The following SNTG2 variants were observed in gnomAD, a reference collection of about 807,000 sequenced individuals.
SNTG2 encodes gamma-2-syntrophin.
Under a neutral mutation model 70.9 loss-of-function variants are expected in SNTG2, and 74 were observed. The observed-to-expected ratio is 1.04, with a 90% CI of 0.86 to 1.27. The LOEUF (loss-of-function observed/expected upper bound fraction) is 1.27, where lower values mean the gene tolerates loss of function less well. SNTG2 is among the 50% of genes most tolerant of loss of function. The probability of loss-of-function intolerance (pLI) is 0.00; values close to 1 mark genes in which losing one functional copy is unlikely to be tolerated. For missense variants in SNTG2, 717 were observed against 690.7 expected, an observed-to-expected ratio of 1.04 and a Z score of -0.43; for synonymous variants, 278 against 273.8, an observed-to-expected ratio of 1.02 and a Z score of -0.15.
chr2:1,098,380 G>C lies in SNTG2; in HGVS notation c.295G>C (p.Val99Leu). ...KGGSEHNVPV[V>L]ISKIFEDQAA... Reference sequence around the variant, plus strand: ...AGGTTCTGAGCACAACGTCCCTGTCGTCATATCAAAAATATTCGAAGACCA... The same window carrying C: ...AGGTTCTGAGCACAACGTCCCTGTCCTCATATCAAAAATATTCGAAGACCA... The change falls in exon 4 of 17, where the codon GTC (valine) becomes CTC (leucine). Residue 99 changes from valine (V) to leucine (L), a missense_variant. Physicochemically the swap from Val to Leu is conservative, Grantham distance 32. Transcript: ENST00000308624. 1 of 1,613,874 alleles carries C rather than the reference G, an allele frequency of 6.2e-7. No individual in the cohort carries two copies. Among genetic ancestry groups the C allele is most frequent in the South Asian group, 1.1e-5 (1 of 91,072 alleles).
chr2:1,281,359 A>G (rs1333869793), intron 14 of SNTG2, among the ~76,000 whole-genome samples: 3 of 106,650 alleles, frequency 2.8e-5, no homozygotes, highest in Non-Finnish European at 5.3e-5. Flanking sequence ...GTGCTTGTGT[A>G]TTTGGTGTTT....
intron 1 of SNTG2, among the ~76,000 whole-genome samples, chr2:981,690 C>T (rs904838869): frequency 6.6e-6 from 1 of 152,152 alleles, no homozygotes; most frequent in Non-Finnish European, 1.5e-5. Flanking sequence ...TGTGAGTGCA[C>T]ACATATACAC....
At chr2:1,001,336 TTGC>T (rs1181889874) in intron 1 of SNTG2, among the ~76,000 whole-genome samples, 1 of 152,074 alleles carries the variant, frequency 6.6e-6, no homozygotes, top group East Asian at 1.9e-4. Context: ...TTATCTCTGT[TTGC>T]TGATGATGTG....
intron 8 of SNTG2, among the ~76,000 whole-genome samples, chr2:1,186,781 A>G (rs1572678859): frequency 6.6e-6 from 1 of 152,222 alleles, no homozygotes; most frequent in East Asian, 1.9e-4. Context: ...ACAATTCAAC[A>G]TGAGATTTTA....
intron 9 of SNTG2, among the ~76,000 whole-genome samples, chr2:1,214,498 T>C (rs1019283478): frequency 2.0e-5 from 3 of 152,172 alleles, no homozygotes; most frequent in African/African-American, 7.2e-5. Flanking sequence ...TTTATATTTT[T>C]ATACTACTGT....
Position 1,236,554 on chromosome 2 carries a change from G to A in SNTG2, c.720-1334G>A, listed in dbSNP as rs1039842269. Among the ~76,000 whole-genome samples the A allele has an allele frequency of 6.6e-5, 10 of 152,184 alleles. No individual in the cohort carries two copies. In the East Asian group the frequency reaches 1.5e-3, roughly 23 times the overall value. On this transcript the variant is annotated intron_variant, in intron 9 of 16. Transcript: ENST00000308624. ...CCAAGTCAAGAGTACCTTGTTCATCGCCATCAGGCAGAATATCAGCCACAA... is the reference window on the plus strand; with the variant it reads ...CCAAGTCAAGAGTACCTTGTTCATCACCATCAGGCAGAATATCAGCCACAA...
chr2:1,273,540 A>T (rs1463723218), intron 14 of SNTG2, among the ~76,000 whole-genome samples: 1 of 152,114 alleles, frequency 6.6e-6, no homozygotes, highest in African/African-American at 2.4e-5. Flanking sequence ...AAGGCAATTC[A>T]GTGGAGAAAG....
At chr2:1,086,145 A>T (rs1186911284) in intron 2 of SNTG2, among the ~76,000 whole-genome samples, 2 of 152,184 alleles carry the variant, frequency 1.3e-5, no homozygotes, top group Non-Finnish European at 2.9e-5. Context: ...CACACAAGAA[A>T]CAGACAACCA....
intron 6 of SNTG2, among the ~76,000 whole-genome samples, chr2:1,148,269 T>C (rs1290010884): frequency 1.3e-5 from 2 of 152,220 alleles, no homozygotes; most frequent in Admixed American, 1.3e-4. Flanking sequence ...TCCCACTCCT[T>C]ATTTCCCACA....
chr2:1,259,385 T>A lies in SNTG2; in HGVS notation c.1021T>A (p.Trp341Arg). 1 of 1,613,996 alleles carries A rather than the reference T, an allele frequency of 6.2e-7. No individual in the cohort carries two copies. Among genetic ancestry groups the A allele is most frequent in the African/African-American group, 1.3e-5 (1 of 75,052 alleles). Residue 341 changes from tryptophan (W) to arginine (R), a missense_variant, in exon 13 of 17, where the codon TGG becomes AGG. Transcript: ENST00000308624. ...FSTPPVSTFDWVRAERTYHLC... is the reference protein window; with the variant it reads ...FSTPPVSTFDRVRAERTYHLC... ...TTTCTTGCAGGTGAGCACATTCGATTGGGTGCGAGCAGAAAGGACCTATCA... is the reference window on the plus strand; with the variant it reads ...TTTCTTGCAGGTGAGCACATTCGATAGGGTGCGAGCAGAAAGGACCTATCA...
intron 9 of SNTG2, among the ~76,000 whole-genome samples, chr2:1,213,907 T>G (rs2148004989): frequency 7.0e-6 from 1 of 142,072 alleles, no homozygotes; most frequent in South Asian, 2.2e-4. Flanking sequence ...TTTAACTCCT[T>G]AATCCATTTT....
At position 1,055,330 on chromosome 2, in the gene SNTG2, G is replaced by A. The variant is rs575538495; in HGVS notation, c.73-28188G>A. ...TTCTGTAAGTTTTTCATTTTGTGTA[G>A]GTGACTTTTTCCAGTGCTGTTGCCT... is the stretch of plus-strand genomic sequence containing the variant. On this transcript the variant is annotated intron_variant, in intron 1 of 16. Transcript: ENST00000308624. Among the ~76,000 whole-genome samples, 7 of 152,304 alleles carry A rather than the reference G, an allele frequency of 4.6e-5. No homozygotes were observed. In the South Asian group the frequency reaches 1.5e-3, roughly 32 times the overall value.
At chr2:998,742 C>T (rs1022368441) in intron 1 of SNTG2, among the ~76,000 whole-genome samples, 1 of 152,076 alleles carries the variant, frequency 6.6e-6, no homozygotes, top group East Asian at 1.9e-4. Context: ...TAAATTCCCT[C>T]ATCTTGCTGG....
intron 1 of SNTG2, among the ~76,000 whole-genome samples, chr2:968,867 A>T (rs1291742423): frequency 6.6e-6 from 1 of 152,026 alleles, no homozygotes; most frequent in East Asian, 1.9e-4. Context: ...GAAACTCTTT[A>T]GTTTAATTAG....
intron 9 of SNTG2, among the ~76,000 whole-genome samples, chr2:1,229,788 G>A (rs890762393): frequency 5.3e-5 from 8 of 152,244 alleles, no homozygotes; most frequent in East Asian, 3.9e-4. Context: ...GTGCAGCGCC[G>A]GTGGGCTGGC....
In SNTG2 at chr2:1,102,639, C is replaced by T. The variant is rs370970135; in HGVS notation, c.325+4229C>T. The T allele has an allele frequency of 5.1e-3, 782 of 152,424 alleles. 3 individuals are homozygous for T. Among genetic ancestry groups the T allele is most frequent in the Non-Finnish European group, 8.4e-3 (575 of 68,156 alleles). 9.4% of individuals were successfully genotyped at this position (152,424 alleles called of 1,614,324 possible). ...AGCAGAGCGTGGACAGCAGGGGCTC[C>T]GTGCTGCGTTTCAGGGCTGATTTGC... On this transcript the variant is annotated intron_variant, in intron 4 of 16. Coordinates refer to ENST00000308624, the MANE Select transcript of SNTG2 (RefSeq NM_018968.4).
At chr2:1,110,513 T>C (rs1312601453) in intron 4 of SNTG2, among the ~76,000 whole-genome samples, 2 of 152,162 alleles carry the variant, frequency 1.3e-5, no homozygotes, top group Non-Finnish European at 2.9e-5. Context: ...AATATTGATT[T>C]AGATGTCTTT....
At chr2:1,287,072 A>G (rs1679793513) in intron 14 of SNTG2, among the ~76,000 whole-genome samples, 1 of 152,098 alleles carries the variant, frequency 6.6e-6, no homozygotes, top group African/African-American at 2.4e-5. Flanking sequence ...GCGTGTTTGG[A>G]AGGAACTCTG....
chr2:1,168,252 G>A (rs28405515), intron 7 of SNTG2, among the ~76,000 whole-genome samples: 84 of 78,680 alleles, frequency 1.1e-3, no homozygotes, highest in Admixed American at 3.6e-3. Flanking sequence ...GAAGCCTACA[G>A]GCCGCCCACA....
Sources: gnomAD v4.1 joint callset for allele counts (sites outside exome capture counted in the v4.1 genomes callset) on GRCh38, gnomAD v4.1.1 for gene constraint, MANE v1.5 for transcripts, NCBI Gene and HGNC (gene_info 2026-07-23, HGNC 2026-07-21) for gene names.